The following CNTNAP5 variants were observed in gnomAD, a reference collection of about 807,000 sequenced individuals.
CNTNAP5 encodes the protein contactin associated protein family member 5.
A neutral mutation model predicts 150.2 loss-of-function variants in CNTNAP5; 72 were observed. The observed-to-expected ratio is 0.48, with a 90% CI of 0.40 to 0.58. The LOEUF is 0.58. Among genes scored for constraint, CNTNAP5 ranks in the 20% least tolerant of loss-of-function variants. CNTNAP5 has a pLI of 0.00. For synonymous variants in CNTNAP5, 672 were observed against 619.8 expected (o/e 1.08, Z -1.25); for missense variants, 1,636 against 1,626.2 (o/e 1.01, Z -0.10).
chr2:124,049,327 A>G (rs1477305253), intron 1 of CNTNAP5, among the ~76,000 whole-genome samples: 1 of 152,178 alleles, frequency 6.6e-6, no homozygotes, highest in East Asian at 1.9e-4. Flanking sequence ...AGAAAGGCAC[A>G]CCGCTTACTC....
intron 1 of CNTNAP5, among the ~76,000 whole-genome samples, chr2:124,163,611 C>T (rs146618714): frequency 1.3e-5 from 2 of 152,236 alleles, no homozygotes; most frequent in Non-Finnish European, 2.9e-5. Flanking sequence ...GCAACACTGG[C>T]TTTGCTTGAA....
chr2:124,148,027 C>T (rs1002591389), intron 1 of CNTNAP5, among the ~76,000 whole-genome samples: 2 of 152,114 alleles, frequency 1.3e-5, no homozygotes, highest in East Asian at 1.9e-4. Flanking sequence ...ACGCTGGCTG[C>T]GGGCACTTTC....
At chr2:124,466,032 A>G (rs372253879) in intron 6 of CNTNAP5, among the ~76,000 whole-genome samples, 1 of 152,024 alleles carries the variant, frequency 6.6e-6, no homozygotes, top group East Asian at 1.9e-4. Flanking sequence ...CAGCGTATTG[A>G]TCTCTTTTAC....
intron 3 of CNTNAP5, among the ~76,000 whole-genome samples, chr2:124,402,492 C>T (rs1055180934): frequency 6.6e-6 from 1 of 152,190 alleles, no homozygotes; most frequent in African/African-American, 2.4e-5. Context: ...TATACCCACA[C>T]AACTGGTGGT....
intron 3 of CNTNAP5, among the ~76,000 whole-genome samples, chr2:124,320,677 GA>G (rs879427183): frequency 2.7e-3 from 394 of 147,752 alleles, no homozygotes; most frequent in African/African-American, 8.1e-3. Context: ...AGCATTCAAG[GA>G]AAAAAAAAAT....
intron 3 of CNTNAP5, among the ~76,000 whole-genome samples, chr2:124,324,912 G>T (rs1032591090): frequency 2.0e-5 from 3 of 152,162 alleles, no homozygotes; most frequent in Admixed American, 2.0e-4. Context: ...GAGTAGGAAA[G>T]ACATAAGCAC....
At chr2:124,613,743 G>A (rs184787305) in intron 12 of CNTNAP5, among the ~76,000 whole-genome samples, 1 of 152,252 alleles carries the variant, frequency 6.6e-6, no homozygotes, top group African/African-American at 2.4e-5. Context: ...CCTGCACACA[G>A]GGCAGTCTTC....
chr2:124,643,270 G>A (rs570374446), intron 12 of CNTNAP5, among the ~76,000 whole-genome samples: 68 of 152,262 alleles, frequency 4.5e-4, no homozygotes, highest in Non-Finnish European at 8.1e-4. Context: ...AGCAGTGAAA[G>A]AGAAGAGGCT....
chr2:124,035,910 C>CT (rs759598012), intron 1 of CNTNAP5, among the ~76,000 whole-genome samples: 28,773 of 76,026 alleles, frequency 0.38, 7,174 homozygotes, highest in Admixed American at 0.41. Flanking sequence ...AGGATGAACT[C>CT]TTTTTTTTTT....
intron 11 of CNTNAP5, among the ~76,000 whole-genome samples, chr2:124,585,189 CT>C (rs1391323110): frequency 1.3e-5 from 2 of 152,160 alleles, no homozygotes; most frequent in African/African-American, 4.8e-5. Flanking sequence ...GCTCAATCAG[CT>C]TCTATGTTAT....
chr2:124,528,187 A>G (rs1695020980), intron 10 of CNTNAP5, among the ~76,000 whole-genome samples: 1 of 152,202 alleles, frequency 6.6e-6, no homozygotes, highest in African/African-American at 2.4e-5. Flanking sequence ...ATGGGTGAAT[A>G]ATATCTGTTC....
intron 7 of CNTNAP5, among the ~76,000 whole-genome samples, chr2:124,496,137 G>A (rs1022921793): frequency 1.3e-5 from 2 of 151,914 alleles, no homozygotes; most frequent in Non-Finnish European, 2.9e-5. Flanking sequence ...CTGCTAAATA[G>A]AGAACTGCTA....
intron 10 of CNTNAP5, among the ~76,000 whole-genome samples, chr2:124,527,726 C>T (rs1004818577): frequency 6.6e-6 from 1 of 152,140 alleles, no homozygotes; most frequent in African/African-American, 2.4e-5. Flanking sequence ...AAATTTTATG[C>T]ATAAACAACA....
intron 19 of CNTNAP5, among the ~76,000 whole-genome samples, chr2:124,804,589 G>A (rs932983523): frequency 5.3e-5 from 8 of 152,096 alleles, no homozygotes; most frequent in African/African-American, 1.9e-4. Context: ...TAAAGCAGGA[G>A]ACACTAGAGA....
At chr2:124,536,792 A>G (rs973288272) in intron 10 of CNTNAP5, among the ~76,000 whole-genome samples, 2 of 152,038 alleles carry the variant, frequency 1.3e-5, no homozygotes, top group Non-Finnish European at 2.9e-5. Context: ...GGGTGCTCCA[A>G]GGGCTCTCAT....
intron 19 of CNTNAP5, among the ~76,000 whole-genome samples, chr2:124,800,949 A>T (rs531973398): frequency 6.6e-6 from 1 of 152,084 alleles, no homozygotes; most frequent in South Asian, 2.1e-4. Flanking sequence ...TATATTTTAT[A>T]TATTTTAGTT....
chr2:124,392,736 A>T (rs1403301965), intron 3 of CNTNAP5, among the ~76,000 whole-genome samples: 2 of 151,422 alleles, frequency 1.3e-5, no homozygotes, highest in Non-Finnish European at 2.9e-5. Flanking sequence ...GAGGAAAAAA[A>T]AAAGAAAGGA....
intron 1 of CNTNAP5, among the ~76,000 whole-genome samples, chr2:124,037,798 T>C (rs1558733483): frequency 6.6e-6 from 1 of 152,212 alleles, no homozygotes; most frequent in Non-Finnish European, 1.5e-5. Flanking sequence ...TAATGTATTA[T>C]ATACTTGAGA....
intron 21 of CNTNAP5, among the ~76,000 whole-genome samples, chr2:124,888,196 G>A (rs955569368): frequency 9.9e-5 from 15 of 152,098 alleles, no homozygotes; most frequent in Non-Finnish European, 1.8e-4. Flanking sequence ...AGAACATGCA[G>A]TGTTTTGTTT....
Sources: gnomAD v4.1 joint callset for allele counts (sites outside exome capture counted in the v4.1 genomes callset) on GRCh38, gnomAD v4.1.1 for gene constraint, MANE v1.5 for transcripts, NCBI Gene and HGNC (gene_info 2026-07-23, HGNC 2026-07-21) for gene names.